PEPD: variants seen among roughly 807,000 people sequenced by gnomAD.
PEPD encodes the protein xaa-Pro dipeptidase.
A neutral mutation model predicts 60.7 loss-of-function variants in PEPD; 53 were observed. The observed-to-expected ratio is 0.87, with a 90% CI of 0.70 to 1.10. The LOEUF (loss-of-function observed/expected upper bound fraction) is 1.10, where lower values mean the gene tolerates loss of function less well. PEPD is among the 50% of genes least tolerant of loss of function. PEPD has a pLI of 0.00. For missense variants in PEPD, 711 were observed against 711.9 expected, an observed-to-expected ratio of 1.00 and a Z score of 0.01; for synonymous variants, 267 against 284.1, an observed-to-expected ratio of 0.94 and a Z score of 0.60.
chr19:33,504,173 C>T (rs1970759513), intron 3 of PEPD, among the ~76,000 whole-genome samples: 1 of 152,194 alleles, frequency 6.6e-6, no homozygotes, highest in Non-Finnish European at 1.5e-5. Flanking sequence ...TAGTAAAAAC[C>T]ATTTAAACGT....
chr19:33,406,983 G>T (rs926212375), intron 11 of PEPD, among the ~76,000 whole-genome samples: 16 of 152,196 alleles, frequency 1.1e-4, no homozygotes, highest in Non-Finnish European at 2.9e-5. Flanking sequence ...CAGGGGTGAG[G>T]CCTGGCCCAT....
At chr19:33,521,680 C>A in intron 1 of PEPD, 64 bp downstream of exon 1, 2 of 1,522,364 alleles carry the variant, frequency 1.3e-6, no homozygotes, top group Non-Finnish European at 1.8e-6. Flanking sequence ...ACCCGCGGTC[C>A]GGCCGGGACA....
intron 7 of PEPD, among the ~76,000 whole-genome samples, chr19:33,468,755 C>G (rs1970066653): frequency 6.6e-6 from 1 of 152,194 alleles, no homozygotes; most frequent in Non-Finnish European, 1.5e-5. Context: ...AAAAACAAAC[C>G]CACAAGCCCA....
At chr19:33,413,716 C>A in intron 9 of PEPD, 73 bp from the exon 10 acceptor site, 1 of 912,048 alleles carries the variant, frequency 1.1e-6, no homozygotes, top group Non-Finnish European at 1.8e-6. Context: ...CCCATGAACC[C>A]CAAGGGAAGG....
chr19:33,479,789 T>C (rs961273973), intron 6 of PEPD, among the ~76,000 whole-genome samples: 4 of 152,242 alleles, frequency 2.6e-5, no homozygotes, highest in African/African-American at 4.8e-5. Flanking sequence ...CCATGGTGCA[T>C]ACCATACCAC....
chr19:33,442,900 C>T (rs994330510), intron 9 of PEPD, among the ~76,000 whole-genome samples: 2 of 152,216 alleles, frequency 1.3e-5, no homozygotes, highest in African/African-American at 4.8e-5. Flanking sequence ...GGGCTGTCCA[C>T]TGGCTCTCCC....
At chr19:33,513,753 T>A (rs1970971237) in intron 1 of PEPD, among the ~76,000 whole-genome samples, 2 of 152,182 alleles carry the variant, frequency 1.3e-5, no homozygotes. Context: ...CACCCTTGGC[T>A]TCCTCTACTG....
At chr19:33,492,250 C>A (rs56054308) in intron 5 of PEPD, among the ~76,000 whole-genome samples, 1 of 152,064 alleles carries the variant, frequency 6.6e-6, no homozygotes, top group Non-Finnish European at 1.5e-5. Flanking sequence ...TCGCACCCCC[C>A]ACCCTAGCCC....
At chr19:33,500,661 C>T (rs1314934737) in intron 4 of PEPD, among the ~76,000 whole-genome samples, 1 of 152,220 alleles carries the variant, frequency 6.6e-6, no homozygotes, top group Admixed American at 6.5e-5. Flanking sequence ...TCAGAGACAC[C>T]TCATGTAATC....
intron 9 of PEPD, among the ~76,000 whole-genome samples, chr19:33,436,526 G>T (rs771444472): frequency 2.6e-5 from 4 of 152,188 alleles, no homozygotes; most frequent in Admixed American, 6.5e-5. Flanking sequence ...GCACTCGAGA[G>T]ACCCACCCCA....
intron 9 of PEPD, among the ~76,000 whole-genome samples, chr19:33,452,189 A>C (rs974395563): frequency 3.5e-4 from 54 of 152,304 alleles, no homozygotes; most frequent in African/African-American, 1.3e-3. Context: ...GCAGCTAAAA[A>C]CCAAAAGGTC....
chr19:33,388,118 T>A, intron 13 of PEPD, 37 bp from the exon 14 acceptor site: 1 of 1,513,298 alleles, frequency 6.6e-7, no homozygotes. Context: ...GATGAGCAGC[T>A]CCAGGGCTCA....
chr19:33,415,379 A>G (rs991048502), intron 9 of PEPD, among the ~76,000 whole-genome samples: 22 of 152,204 alleles, frequency 1.4e-4, no homozygotes, highest in African/African-American at 5.3e-4. Flanking sequence ...TTCTACAAGA[A>G]AGGAGCGGCA....
chr19:33,448,516 C>G (rs751911727), intron 9 of PEPD, among the ~76,000 whole-genome samples: 1 of 151,528 alleles, frequency 6.6e-6, no homozygotes, highest in Non-Finnish European at 1.5e-5. Flanking sequence ...GCATGCAAAA[C>G]AGAAAAAAAA....
At chr19:33,402,406 G>C (rs977785265) in intron 11 of PEPD, among the ~76,000 whole-genome samples, 4 of 152,162 alleles carry the variant, frequency 2.6e-5, no homozygotes, top group South Asian at 2.1e-4. Context: ...AGAACTCCGG[G>C]CCTGAATCAC....
chr19:33,408,341 C>A (rs1320426017), intron 11 of PEPD, among the ~76,000 whole-genome samples: 2 of 152,264 alleles, frequency 1.3e-5, no homozygotes, highest in Admixed American at 6.5e-5. Context: ...GGTGAGGACA[C>A]CGGGCCTGCT....
intron 11 of PEPD, among the ~76,000 whole-genome samples, chr19:33,406,764 C>G (rs1414391976): frequency 2.0e-5 from 3 of 152,190 alleles, no homozygotes; most frequent in Non-Finnish European, 4.4e-5. Context: ...GCTGCAGGGC[C>G]CATGTGAGGC....
chr19:33,415,883 C>T (rs1385431184), intron 9 of PEPD, among the ~76,000 whole-genome samples: 1 of 152,262 alleles, frequency 6.6e-6, no homozygotes, highest in Non-Finnish European at 1.5e-5. Context: ...CAGTGGACTT[C>T]AGTCCTGAAT....
chr19:33,406,633 G>A (rs1024204614), intron 11 of PEPD, among the ~76,000 whole-genome samples: 5 of 152,174 alleles, frequency 3.3e-5, no homozygotes, highest in Non-Finnish European at 7.4e-5. Context: ...AAAGCATTGG[G>A]CCCCAGGTGG....
Sources: allele counts gnomAD v4.1 joint callset (sites outside exome capture counted in the v4.1 genomes callset), GRCh38; gene constraint gnomAD v4.1.1; transcripts MANE v1.5; gene names NCBI Gene and HGNC (gene_info 2026-07-23, HGNC 2026-07-21).